ARL6IP5: variants seen among roughly 807,000 people sequenced by gnomAD.
ARL6IP5 encodes ARF like GTPase 6 interacting protein 5, also known as PRA1 family protein 3.
A neutral mutation model predicts 13.0 loss-of-function variants in ARL6IP5; 6 were observed. That is an observed-to-expected ratio of 0.46 (90% CI 0.25 to 0.91). The LOEUF (loss-of-function observed/expected upper bound fraction) is 0.91. Among genes scored for constraint, ARL6IP5 ranks in the 40% least tolerant of loss-of-function variants. The pLI is 0.17. For synonymous variants in ARL6IP5, 91 were observed against 91.9 expected (o/e 0.99, Z 0.06); for missense variants, 208 against 248.8 (o/e 0.84, Z 1.10).
intron 1 of ARL6IP5, among the ~76,000 whole-genome samples, chr3:69,099,142 G>A (rs867697554): frequency 3.0e-5 from 4 of 133,936 alleles, no homozygotes; most frequent in South Asian, 2.7e-4. Flanking sequence ...GGGGGGTGGG[G>A]GGTGGATCAC....
Position 69,085,018 on chromosome 3 carries a change from T to A in ARL6IP5, c.-30T>A. The A allele has an allele frequency of 6.2e-7, 1 of 1,604,128 alleles. No homozygotes were observed. Among genetic ancestry groups the A allele is most frequent in the Non-Finnish European group, 8.5e-7 (1 of 1,174,710 alleles). On this transcript the variant is annotated 5_prime_UTR_variant, in exon 1 of 3. Transcript: ENST00000273258. ...GTTGCCGCCGCCGCCGCCGCCAGAT[T>A]CTGGAGGCGAAGAACGCAAAGCTGA... is the stretch of plus-strand genomic sequence containing the variant.
At chr3:69,096,792 C>T (rs112942333) in intron 1 of ARL6IP5, among the ~76,000 whole-genome samples, 2,095 of 151,766 alleles carry the variant, frequency 0.014, 32 homozygotes, top group Non-Finnish European at 0.016. Context: ...TTAGTAGAGA[C>T]GGGGTTTCAC....
chr3:69,084,951 G>T lies in ARL6IP5; in HGVS notation c.-97G>T, dbSNP rs1188240606. The T allele has an allele frequency of 2.3e-5, 34 of 1,486,892 alleles. No individual in the cohort carries two copies. The highest frequency in any genetic ancestry group is 3.0e-5 in the Non-Finnish European group (33 of 1,105,718). The allele number at this position is 1,486,892 out of a possible 1,614,324, so 92.1% of individuals were successfully genotyped here. ...GTCTGCCAACCGCAAAGCCGACCGA[G>T]ACGGAGCCGCTGTCAACTCTCCAAC... On this transcript the variant is annotated 5_prime_UTR_variant, in exon 1 of 3. Coordinates refer to ENST00000273258, the MANE Select transcript of ARL6IP5 (RefSeq NM_006407.4).
At chr3:69,103,595 A>C (rs912857555) in intron 2 of ARL6IP5, among the ~76,000 whole-genome samples, 1 of 152,198 alleles carries the variant, frequency 6.6e-6, no homozygotes, top group African/African-American at 2.4e-5. Context: ...ATGAATCCAC[A>C]TCAGGGTTTT....
chr3:69,101,750 T>G, intron 1 of ARL6IP5, 89 bp from the exon 2 acceptor site: 1 of 1,096,646 alleles, frequency 9.1e-7, no homozygotes, highest in South Asian at 1.4e-5. Context: ...ATTAGTAAGT[T>G]CTCAATAATT....
At chr3:69,086,112 T>G (rs1476136464) in intron 1 of ARL6IP5, among the ~76,000 whole-genome samples, 1 of 152,192 alleles carries the variant, frequency 6.6e-6, no homozygotes, top group Admixed American at 6.5e-5. Context: ...AAGGACTCAC[T>G]TGCACTTAAA....
chr3:69,098,211 G>A (rs1302274112), intron 1 of ARL6IP5, among the ~76,000 whole-genome samples: 2 of 147,500 alleles, frequency 1.4e-5, no homozygotes, highest in African/African-American at 5.0e-5. Flanking sequence ...CAAGTAACTG[G>A]GACTACAGGT....
chr3:69,102,132 A>G, intron 2 of ARL6IP5, 76 bp downstream of exon 2: 17 of 1,484,326 alleles, frequency 1.1e-5, no homozygotes, highest in Non-Finnish European at 1.5e-5. Flanking sequence ...TCCATAACCC[A>G]TTTCTTATAT....
chr3:69,098,020 T>G (rs964170327), intron 1 of ARL6IP5, among the ~76,000 whole-genome samples: 3 of 152,150 alleles, frequency 2.0e-5, no homozygotes. Flanking sequence ...TGTATTTCCT[T>G]TTTTATATAT....
At position 69,102,071 on chromosome 3, in the gene ARL6IP5, GT is replaced by G; in HGVS notation, c.394+21del. ...TCCTTTGCTGTGTAAGTGAACTTGA[GT>G]TTTTTCTTCCATCATCAAAAAAATG... On this transcript the variant is annotated intron_variant, in intron 2 of 2. Transcript: ENST00000273258. The G allele has an allele frequency of 6.2e-7, 1 of 1,609,416 alleles. No homozygotes were observed.
chr3:69,106,038 C>G lies in ARL6IP5; in HGVS notation c.*1402C>G, dbSNP rs1170950501. ...GGTCTAGAATCTGTACCCTTACCCACATATGAAGAATAAAATTGATTAAAG... is the reference window on the plus strand; with the variant it reads ...GGTCTAGAATCTGTACCCTTACCCAGATATGAAGAATAAAATTGATTAAAG... On this transcript the variant is annotated 3_prime_UTR_variant, in exon 3 of 3. Coordinates refer to ENST00000273258, the MANE Select transcript of ARL6IP5 (RefSeq NM_006407.4). The G allele has an allele frequency of 6.6e-6, 1 of 152,186 alleles. No homozygotes were observed. Among genetic ancestry groups the G allele is most frequent in the African/African-American group, 2.4e-5 (1 of 41,442 alleles). The allele number at this position is 152,186 out of a possible 1,614,324, so 9.4% of individuals were successfully genotyped here.
intron 1 of ARL6IP5, among the ~76,000 whole-genome samples, chr3:69,088,868 A>T (rs1227477118): frequency 6.6e-6 from 1 of 152,234 alleles, no homozygotes; most frequent in African/African-American, 2.4e-5. Context: ...GTGAAAAACA[A>T]AGGCAACACC....
chr3:69,104,630 G>A lies in ARL6IP5; in HGVS notation c.561G>A (p.Lys187=), dbSNP rs2092316718. The change falls in exon 3 of 3, where the codon AAG becomes AAA. Residue 187 remains lysine (K), a synonymous_variant. Coordinates refer to ENST00000273258, the MANE Select transcript of ARL6IP5 (RefSeq NM_006407.4). The stretch of plus-strand genomic sequence containing the variant: ...TCACTGACTATATCAGCAAAGTGAA[G>A]GAATAAACATAACTTACCTGAGCTA... The part of the protein sequence containing the change: ...NRLTDYISKV[K]E 6.2e-7 allele frequency: 1 copy of A among 1,612,998 alleles called. No individual in the cohort carries two copies.
At chr3:69,085,993 C>T (rs960642038) in intron 1 of ARL6IP5, among the ~76,000 whole-genome samples, 6 of 152,192 alleles carry the variant, frequency 3.9e-5, no homozygotes, top group African/African-American at 1.2e-4. Flanking sequence ...TTCTAGTTCA[C>T]CCTTTAAGAA....
intron 1 of ARL6IP5, 35 bp downstream of exon 1, chr3:69,085,258 G>C: frequency 6.3e-7 from 1 of 1,591,792 alleles, no homozygotes; most frequent in Non-Finnish European, 8.6e-7. Context: ...ACACCGATCC[G>C]GGGCGAGCAC....
intron 1 of ARL6IP5, among the ~76,000 whole-genome samples, chr3:69,092,463 A>C (rs991749879): frequency 5.9e-5 from 9 of 152,078 alleles, no homozygotes; most frequent in African/African-American, 1.9e-4. Context: ...GACAGTTCTC[A>C]GTAGCTTTTG....
chr3:69,092,207 T>G (rs762881114), intron 1 of ARL6IP5, among the ~76,000 whole-genome samples: 13 of 152,344 alleles, frequency 8.5e-5, no homozygotes, highest in South Asian at 6.2e-4. Context: ...TTCCTGGCCT[T>G]CCTTCTCGTT....
At chr3:69,097,420 C>T (rs950447002) in intron 1 of ARL6IP5, among the ~76,000 whole-genome samples, 1 of 151,562 alleles carries the variant, frequency 6.6e-6, no homozygotes, top group Non-Finnish European at 1.5e-5. Context: ...GCGATGCATC[C>T]GCCACCTCGG....
chr3:69,103,183 TA>T (rs1199525788), intron 2 of ARL6IP5, among the ~76,000 whole-genome samples: 1 of 152,226 alleles, frequency 6.6e-6, no homozygotes, highest in Non-Finnish European at 1.5e-5. Context: ...AGGTTTTCTG[TA>T]GGTGCTTAAC....
Sources: allele counts gnomAD v4.1 joint callset (sites outside exome capture counted in the v4.1 genomes callset), GRCh38; gene constraint gnomAD v4.1.1; transcripts MANE v1.5; gene names NCBI Gene and HGNC (gene_info 2026-07-23, HGNC 2026-07-21).